The following GPC5 variants were observed in gnomAD, a reference collection of about 807,000 sequenced individuals.
The protein encoded by GPC5 is glypican 5.
In GPC5, 47 loss-of-function variants were observed where a neutral mutation model predicts 53.9. That is an observed-to-expected ratio of 0.87 (90% confidence interval 0.69 to 1.11). The LOEUF (loss-of-function observed/expected upper bound fraction) is 1.11, where lower values mean the gene tolerates loss of function less well. Among genes scored for constraint, GPC5 ranks in the 50% most tolerant of loss-of-function variants. The pLI is 0.00. For synonymous variants in GPC5, 286 were observed against 263.3 expected (o/e 1.09, Z -0.84); for missense variants, 748 against 713.1 (o/e 1.05, Z -0.56).
intron 7 of GPC5, among the ~76,000 whole-genome samples, chr13:92,680,419 C>G (rs1195930389): frequency 1.3e-5 from 2 of 152,140 alleles, no homozygotes; most frequent in Non-Finnish European, 2.9e-5. Context: ...AGATTGTAAG[C>G]TTTATAGTTA....
intron 5 of GPC5, among the ~76,000 whole-genome samples, chr13:91,830,951 TGA>T (rs564949817): frequency 5.9e-5 from 8 of 136,054 alleles, no homozygotes; most frequent in African/African-American, 1.9e-4. Flanking sequence ...CTATTATATA[TGA>T]TATATATCCT....
chr13:91,616,643 C>T (rs1463503768), intron 2 of GPC5, among the ~76,000 whole-genome samples: 1 of 151,854 alleles, frequency 6.6e-6, no homozygotes, highest in Non-Finnish European at 1.5e-5. Context: ...AACATTTAAG[C>T]TCAACAATTT....
chr13:92,715,673 ACT>A (rs1426364559), intron 7 of GPC5, among the ~76,000 whole-genome samples: 1 of 152,192 alleles, frequency 6.6e-6, no homozygotes, highest in Non-Finnish European at 1.5e-5. Context: ...AATTTATTTA[ACT>A]CTTGCTGTAC....
intron 6 of GPC5, among the ~76,000 whole-genome samples, chr13:92,049,203 T>G (rs760852971): frequency 3.3e-4 from 50 of 152,308 alleles, no homozygotes; most frequent in Non-Finnish European, 5.6e-4. Context: ...GATAATCTGA[T>G]CAAAACTATA....
intron 2 of GPC5, among the ~76,000 whole-genome samples, chr13:91,557,181 C>T (rs1300660444): frequency 6.6e-6 from 1 of 152,022 alleles, no homozygotes; most frequent in Non-Finnish European, 1.5e-5. Flanking sequence ...TATGTATGAG[C>T]GATTCCGTTT....
chr13:92,548,962 T>C (rs941208141), intron 7 of GPC5, among the ~76,000 whole-genome samples: 1 of 152,134 alleles, frequency 6.6e-6, no homozygotes, highest in Non-Finnish European at 1.5e-5. Flanking sequence ...TGACAGGTGG[T>C]ACAATATACA....
intron 6 of GPC5, among the ~76,000 whole-genome samples, chr13:91,933,652 A>G (rs1019156489): frequency 2.0e-5 from 3 of 151,906 alleles, no homozygotes; most frequent in Non-Finnish European, 2.9e-5. Flanking sequence ...TGTTGTAACA[A>G]TCTTCAAAAC....
intron 6 of GPC5, among the ~76,000 whole-genome samples, chr13:92,095,841 A>G (rs1035102343): frequency 2.6e-5 from 4 of 152,096 alleles, no homozygotes; most frequent in African/African-American, 9.7e-5. Context: ...TCCTAAATCT[A>G]TTATTTAAAA....
intron 7 of GPC5, among the ~76,000 whole-genome samples, chr13:92,575,692 C>T (rs1246029199): frequency 6.6e-6 from 1 of 152,152 alleles, no homozygotes; most frequent in Non-Finnish European, 1.5e-5. Flanking sequence ...GGCCCATATT[C>T]CTCTCAGCAC....
In GPC5 at chr13:92,098,792, A is replaced by C. The variant is rs143718674; in HGVS notation, c.1402-46038A>C. On this transcript the variant is annotated intron_variant, in intron 6 of 7. Transcript: ENST00000377067. ...GGAGACAGCTGTGTGATGCTTCCTTAGAGCCGCCACAAAACAATAGTTGTG... is the reference window on the plus strand; with the variant it reads ...GGAGACAGCTGTGTGATGCTTCCTTCGAGCCGCCACAAAACAATAGTTGTG... Among the ~76,000 whole-genome samples the C allele has an allele frequency of 5.1e-3, 783 of 152,294 alleles. 11 individuals are homozygous for C. Among genetic ancestry groups the C allele is most frequent in the South Asian group, 0.018 (85 of 4,826 alleles).
At chr13:92,153,137 G>GCTTT (rs2041919315) in intron 7 of GPC5, among the ~76,000 whole-genome samples, 1 of 151,942 alleles carries the variant, frequency 6.6e-6, no homozygotes, top group Non-Finnish European at 1.5e-5. Context: ...TTTCTCTTTT[G>GCTTT]CTTTCTTTCT....
At chr13:92,762,372 C>T (rs1018914933) in intron 7 of GPC5, among the ~76,000 whole-genome samples, 3 of 151,886 alleles carry the variant, frequency 2.0e-5, no homozygotes, top group Non-Finnish European at 4.4e-5. Context: ...TTATGTAAGC[C>T]TCATGGTAAC....
intron 7 of GPC5, among the ~76,000 whole-genome samples, chr13:92,588,828 C>A (rs184422930): frequency 2.5e-3 from 373 of 152,224 alleles, no homozygotes; most frequent in Non-Finnish European, 2.2e-3. Context: ...CATCCTGGGT[C>A]ATACAGCAAA....
At chr13:91,623,018 G>A (rs1388439320) in intron 2 of GPC5, among the ~76,000 whole-genome samples, 1 of 152,050 alleles carries the variant, frequency 6.6e-6, no homozygotes, top group Admixed American at 6.6e-5. Context: ...ATGGATCAGA[G>A]GCCTCAAGAT....
chr13:92,646,557 T>C (rs139362042), intron 7 of GPC5, among the ~76,000 whole-genome samples: 1,614 of 152,246 alleles, frequency 0.011, 37 homozygotes, highest in African/African-American at 0.037. Flanking sequence ...AAATACCTGA[T>C]GGGATTTTGA....
rs557069010 is a variant in GPC5 at position 92,094,425 on chromosome 13, C to T, written c.1402-50405C>T. ...GTCCCAGCTACTCAGGTGGCTGAGG[C>T]GGGAAAATGGCGTTGAACCTGGGAG... On this transcript the variant is annotated intron_variant, in intron 6 of 7. Coordinates refer to ENST00000377067, the MANE Select transcript of GPC5 (RefSeq NM_004466.6). 1.2e-3 allele frequency among the ~76,000 whole-genome samples: 171 copies of T among 140,532 alleles called. 1 individual carries two copies. Among genetic ancestry groups the T allele is most frequent in the African/African-American group, 4.2e-3 (159 of 37,820 alleles). The allele number at this position is 140,532 out of a possible 152,430, so 92.2% of individuals were successfully genotyped here.
chr13:92,731,506 T>A (rs1203551673), intron 7 of GPC5, among the ~76,000 whole-genome samples: 1 of 151,318 alleles, frequency 6.6e-6, no homozygotes, highest in Non-Finnish European at 1.5e-5. Context: ...TGGGGGAGAA[T>A]TAAGAATCGG....
At chr13:91,887,724 G>A (rs896742235) in intron 5 of GPC5, among the ~76,000 whole-genome samples, 1 of 152,090 alleles carries the variant, frequency 6.6e-6, no homozygotes, top group African/African-American at 2.4e-5. Flanking sequence ...GTCACCTTTG[G>A]TCTACTTCCC....
chr13:91,414,739 A>G (rs758004040), intron 1 of GPC5, among the ~76,000 whole-genome samples: 9 of 152,186 alleles, frequency 5.9e-5, no homozygotes, highest in Non-Finnish European at 1.0e-4. Context: ...TAACGCTTCC[A>G]CCAAAAGGGA....
Sources: allele counts gnomAD v4.1 joint callset (sites outside exome capture counted in the v4.1 genomes callset), GRCh38; gene constraint gnomAD v4.1.1; transcripts MANE v1.5; gene names NCBI Gene and HGNC (gene_info 2026-07-23, HGNC 2026-07-21).